Variants in LDAH observed in about 807,000 individuals in gnomAD.
LDAH encodes lipid droplet-associated hydrolase.
LDAH carries 26 observed loss-of-function variants against 29.6 expected under a neutral mutation model. The observed-to-expected ratio is 0.88, with a 90% CI of 0.64 to 1.22. The LOEUF is 1.22. LDAH is among the 50% of genes most tolerant of loss of function. The pLI is 0.00. For synonymous variants in LDAH, 117 were observed against 133.0 expected, an observed-to-expected ratio of 0.88 and a Z score of 0.83; for missense variants, 344 against 387.3, an observed-to-expected ratio of 0.89 and a Z score of 0.94.
chr2:20,821,319 A>T (rs1465134510), intron 1 of LDAH, among the ~76,000 whole-genome samples: 1 of 152,250 alleles, frequency 6.6e-6, no homozygotes, highest in Non-Finnish European at 1.5e-5. Flanking sequence ...ATGCACATGT[A>T]TGTTTATTGC....
chr2:20,782,437 T>G (rs1301886553), intron 3 of LDAH, among the ~76,000 whole-genome samples: 2 of 152,242 alleles, frequency 1.3e-5, no homozygotes, highest in Non-Finnish European at 2.9e-5. Context: ...TTTGCTGGTA[T>G]TCTATTGAGA....
At chr2:20,713,538 AT>A (rs1224083205) in intron 5 of LDAH, among the ~76,000 whole-genome samples, 1 of 152,230 alleles carries the variant, frequency 6.6e-6, no homozygotes, top group African/African-American at 2.4e-5. Context: ...ACCTAACAAT[AT>A]TAACCTTAAA....
intron 3 of LDAH, among the ~76,000 whole-genome samples, chr2:20,779,993 G>C (rs16988063): frequency 6.6e-6 from 1 of 151,862 alleles, no homozygotes; most frequent in Non-Finnish European, 1.5e-5. Context: ...CTACTTCATC[G>C]ATCCATAAGG....
In LDAH at chr2:20,790,812, T is replaced by C. The variant is rs148644187; in HGVS notation, c.155-414A>G. ...TAAACAGGTGTACAGCTTGATCTTT[T>C]GGGGAAACAAACGTCTACAAGTACA... On this transcript the variant is annotated intron_variant, in intron 2 of 6. Transcript: ENST00000237822. 7.7e-4 allele frequency among the ~76,000 whole-genome samples: 118 copies of C among 152,304 alleles called. 1 individual carries two copies. The East Asian group carries it at 0.02, about 26-fold the overall frequency.
Position 20,790,475 on chromosome 2 carries a change from G to A in LDAH, c.155-77C>T, listed in dbSNP as rs114809656. On this transcript the variant is annotated intron_variant, in intron 2 of 6. Transcript: ENST00000237822. ...AGATGACACGCAGGCTAGAAAAGAT[G>A]GGTCTGTTTCTTTTCACACTTTCCT... The A allele has an allele frequency of 1.0e-3, 1,265 of 1,254,316 alleles. 10 individuals are homozygous for A. The African/African-American group carries it at 0.015, about 15-fold the overall frequency. The allele number at this position is 1,254,316 out of a possible 1,614,324, so 77.7% of individuals were successfully genotyped here.
chr2:20,799,769 CT>C (rs1490052622), intron 2 of LDAH, among the ~76,000 whole-genome samples: 1 of 151,090 alleles, frequency 6.6e-6, no homozygotes, highest in African/African-American at 2.4e-5. Context: ...ATCATTTAAG[CT>C]TTTTTTTTCC....
chr2:20,759,898 A>G (rs1668562294), intron 4 of LDAH, among the ~76,000 whole-genome samples: 1 of 152,202 alleles, frequency 6.6e-6, no homozygotes, highest in African/African-American at 2.4e-5. Context: ...CCACTCTCTC[A>G]TACCACAGGG....
In LDAH at chr2:20,727,256, T is replaced by G. The variant is rs376286766; in HGVS notation, c.703+12715A>C. Reference sequence around the variant, plus strand: ...AAGCCACAGTTGGGTTTTATAAACATATTTTCATAAGCTGCTCAGATAAAT... The same window carrying G: ...AAGCCACAGTTGGGTTTTATAAACAGATTTTCATAAGCTGCTCAGATAAAT... On this transcript the variant is annotated intron_variant, in intron 5 of 6. Coordinates refer to ENST00000237822, the MANE Select transcript of LDAH (RefSeq NM_021925.4). Among the ~76,000 whole-genome samples the G allele has an allele frequency of 1.5e-3, 225 of 152,278 alleles. 4 individuals carry two copies. The South Asian group carries it at 0.043, about 29-fold the overall frequency.
chr2:20,700,213 G>A (rs1245062124), intron 6 of LDAH, among the ~76,000 whole-genome samples: 2 of 152,188 alleles, frequency 1.3e-5, no homozygotes, highest in Non-Finnish European at 2.9e-5. Flanking sequence ...CCTGGAGAGG[G>A]GGCCCTCCTG....
intron 4 of LDAH, among the ~76,000 whole-genome samples, chr2:20,741,762 A>C (rs563548175): frequency 6.6e-6 from 1 of 152,274 alleles, no homozygotes; most frequent in South Asian, 2.1e-4. Context: ...ACTTACCATA[A>C]TATTCTCCAG....
intron 5 of LDAH, among the ~76,000 whole-genome samples, chr2:20,721,080 G>A (rs1024467508): frequency 2.0e-5 from 3 of 151,916 alleles, no homozygotes; most frequent in African/African-American, 4.8e-5. Context: ...GATTTTTTTC[G>A]GGTAAGACCT....
intron 3 of LDAH, among the ~76,000 whole-genome samples, chr2:20,787,196 G>C (rs987651594): frequency 2.6e-5 from 4 of 152,098 alleles, no homozygotes; most frequent in Non-Finnish European, 4.4e-5. Context: ...GTATTTCCTT[G>C]TCTCTCTAGA....
At chr2:20,822,622 T>C (rs1673409091) in intron 1 of LDAH, among the ~76,000 whole-genome samples, 2 of 152,136 alleles carry the variant, frequency 1.3e-5, no homozygotes, top group Admixed American at 6.5e-5. Flanking sequence ...GTCTTCAGCG[T>C]GAATAAAAGG....
intron 5 of LDAH, among the ~76,000 whole-genome samples, chr2:20,704,482 T>C (rs755425649): frequency 6.6e-6 from 1 of 152,212 alleles, no homozygotes; most frequent in Non-Finnish European, 1.5e-5. Flanking sequence ...CTATAACCTA[T>C]TAAAAATTAT....
rs770063457 is a variant in LDAH at position 20,774,843 on chromosome 2, TG to T, written c.434del (p.Thr145AsnfsTer5). On this transcript the variant is annotated frameshift_variant, in exon 4 of 7. Coordinates refer to ENST00000237822, the MANE Select transcript of LDAH (RefSeq NM_021925.4). LOFTEE classifies it high-confidence loss of function. ...CAGGGACTCGCTTCAGCATCTGAAG[TG>T]TGAAATAGCTGCCTATTGAATGGCC... ...LIGHSIGSYF[T>X]LQMLKRVPEL... The T allele has an allele frequency of 1.9e-6, 3 of 1,613,180 alleles. No individual in the cohort carries two copies. The highest frequency in any genetic ancestry group is 2.5e-6 in the Non-Finnish European group (3 of 1,179,970).
At position 20,768,521 on chromosome 2, in the gene LDAH, A is replaced by G. The variant is rs534759999; in HGVS notation, c.468+6289T>C. On this transcript the variant is annotated intron_variant, in intron 4 of 6. Transcript: ENST00000237822. ...CAGTGGCTGGACCCCATACTCGCTC[A>G]CACACACCCCTCATCACTCCACGCC... 2.9e-3 allele frequency among the ~76,000 whole-genome samples: 437 copies of G among 151,600 alleles called. 3 individuals carry two copies. Among genetic ancestry groups the G allele is most frequent in the African/African-American group, 9.9e-3 (412 of 41,486 alleles).
intron 4 of LDAH, among the ~76,000 whole-genome samples, chr2:20,752,207 A>T (rs202128020): frequency 1.3e-4 from 3 of 23,322 alleles, no homozygotes; most frequent in Non-Finnish European, 1.6e-4. Flanking sequence ...AGTAGTATTT[A>T]AAAAAAAAAA....
intron 4 of LDAH, among the ~76,000 whole-genome samples, chr2:20,770,911 C>T (rs1466654309): frequency 6.6e-6 from 1 of 152,134 alleles, no homozygotes; most frequent in East Asian, 1.9e-4. Flanking sequence ...AAAGATGGGG[C>T]CAGATTGTCT....
chr2:20,707,855 T>A (rs1358805956), intron 5 of LDAH, among the ~76,000 whole-genome samples: 1 of 152,182 alleles, frequency 6.6e-6, no homozygotes, highest in Non-Finnish European at 1.5e-5. Flanking sequence ...TTTACAGGCA[T>A]TCCCCATTGC....
Sources: gnomAD v4.1 joint callset for allele counts (sites outside exome capture counted in the v4.1 genomes callset) on GRCh38, gnomAD v4.1.1 for gene constraint, MANE v1.5 for transcripts, NCBI Gene and HGNC (gene_info 2026-07-23, HGNC 2026-07-21) for gene names.